Variants in OR4N2 observed in about 807,000 individuals in gnomAD.
The protein encoded by OR4N2 is olfactory receptor family 4 subfamily N member 2.
For synonymous variants in OR4N2, 141 were observed against 140.4 expected (o/e 1.00, Z -0.03); for missense variants, 307 against 377.6 (o/e 0.81, Z 1.55).
rs957322022 is a variant in OR4N2, at chr14:19,828,140, A to C, written c.692A>C (p.Glu231Ala). The change falls in exon 2 of 2, where the codon GAG becomes GCG. Residue 231 changes from glutamate to alanine, a missense_variant. Transcript: ENST00000557677. ...TGTCGCATACGAGGGTCTTCTTCTG[A>C]GGCAAAAAACAAGGCCATGTCCACG... ...ILCRIRGSSS[E>A]AKNKAMSTCI... The C allele has an allele frequency of 6.2e-7, 1 of 1,614,096 alleles. No individual in the cohort carries two copies. Among genetic ancestry groups the C allele is most frequent in the Non-Finnish European group, 8.5e-7 (1 of 1,180,048 alleles).
At chr14:19,815,204 G>A (rs1321706417) in intron 1 of OR4N2, among the ~76,000 whole-genome samples, 1 of 152,218 alleles carries the variant, frequency 6.6e-6, no homozygotes, top group African/African-American at 2.4e-5. Flanking sequence ...GGATTGCTGG[G>A]TCAAATGGTA....
intron 1 of OR4N2, among the ~76,000 whole-genome samples, chr14:19,820,735 G>A (rs1274898632): frequency 6.6e-6 from 1 of 152,258 alleles, no homozygotes; most frequent in Non-Finnish European, 1.5e-5. Flanking sequence ...ACTGTGAAGG[G>A]AAAAGTGCCT....
At chr14:19,824,479 C>T (rs1879642866) in intron 1 of OR4N2, among the ~76,000 whole-genome samples, 1 of 152,224 alleles carries the variant, frequency 6.6e-6, no homozygotes, top group African/African-American at 2.4e-5. Context: ...TTGTTAAATG[C>T]TAACACATCA....
At chr14:19,806,174 A>G (rs1384048014) in intron 1 of OR4N2, among the ~76,000 whole-genome samples, 2 of 152,100 alleles carry the variant, frequency 1.3e-5, no homozygotes, top group South Asian at 2.1e-4. Flanking sequence ...AGTCAAGTCT[A>G]TAAAATATCC....
intron 1 of OR4N2, among the ~76,000 whole-genome samples, chr14:19,807,302 T>A (rs947627840): frequency 6.6e-6 from 1 of 151,870 alleles, no homozygotes; most frequent in African/African-American, 2.4e-5. Flanking sequence ...AATTGGTCCT[T>A]CAAAATAAAA....
intron 1 of OR4N2, among the ~76,000 whole-genome samples, chr14:19,826,961 G>A (rs546162875): frequency 6.6e-6 from 1 of 152,382 alleles, no homozygotes; most frequent in African/African-American, 2.4e-5. Context: ...TAGGAACTGG[G>A]AATTACACAG....
intron 1 of OR4N2, among the ~76,000 whole-genome samples, chr14:19,819,943 C>G (rs1780872): frequency 0.56 from 83,538 of 150,208 alleles, 18,242 homozygotes; most frequent in East Asian, 0.66. Context: ...AGTCAGGCCC[C>G]TCTGCTGCAG....
chr14:19,808,741 A>G (rs1317600468), intron 1 of OR4N2, among the ~76,000 whole-genome samples: 1 of 152,098 alleles, frequency 6.6e-6, no homozygotes, highest in East Asian at 1.9e-4. Flanking sequence ...ATACAGAGCC[A>G]AAAAAGCCTG....
intron 1 of OR4N2, among the ~76,000 whole-genome samples, chr14:19,809,618 T>TA (rs1879248366): frequency 6.6e-6 from 1 of 152,214 alleles, no homozygotes. Flanking sequence ...AAGGCTACAG[T>TA]AACCAAAACA....
chr14:19,813,240 G>T (rs1383609423), intron 1 of OR4N2, among the ~76,000 whole-genome samples: 1 of 152,246 alleles, frequency 6.6e-6, no homozygotes, highest in African/African-American at 2.4e-5. Flanking sequence ...CATGTATTTT[G>T]CTTCCTTTCT....
At chr14:19,812,430 C>T (rs1169312638) in intron 1 of OR4N2, among the ~76,000 whole-genome samples, 1 of 150,872 alleles carries the variant, frequency 6.6e-6, no homozygotes, top group Non-Finnish European at 1.5e-5. Flanking sequence ...CCCGAGTTCA[C>T]GCCATTCTCC....
intron 1 of OR4N2, among the ~76,000 whole-genome samples, chr14:19,811,671 T>A (rs1879300596): frequency 1.3e-5 from 2 of 152,280 alleles, no homozygotes; most frequent in Admixed American, 1.3e-4. Context: ...TCAAGTTAAT[T>A]GCTATATTCA....
At chr14:19,813,234 T>C (rs1165410084) in intron 1 of OR4N2, among the ~76,000 whole-genome samples, 2 of 152,272 alleles carry the variant, frequency 1.3e-5, no homozygotes, top group Non-Finnish European at 2.9e-5. Flanking sequence ...TAACCTCATG[T>C]ATTTTGCTTC....
intron 1 of OR4N2, among the ~76,000 whole-genome samples, chr14:19,808,535 C>A (rs1879220901): frequency 6.6e-6 from 1 of 152,010 alleles, no homozygotes; most frequent in Non-Finnish European, 1.5e-5. Context: ...GAAAACTCTA[C>A]AAAATTAATG....
At chr14:19,824,239 A>C (rs2138480008) in intron 1 of OR4N2, among the ~76,000 whole-genome samples, 1 of 152,352 alleles carries the variant, frequency 6.6e-6, no homozygotes, top group Admixed American at 6.5e-5. Context: ...AGGAATGCTC[A>C]TCTGATTAGA....
intron 1 of OR4N2, among the ~76,000 whole-genome samples, chr14:19,824,267 C>T (rs1348927060): frequency 6.6e-6 from 1 of 152,138 alleles, no homozygotes; most frequent in Admixed American, 6.5e-5. Context: ...TCTATTCCAA[C>T]CACCATTTAG....
chr14:19,812,329 C>CTTTTTTTTTTTTTTTTTTTTT (rs3078143), intron 1 of OR4N2, among the ~76,000 whole-genome samples: 11 of 117,428 alleles, frequency 9.4e-5, no homozygotes, highest in Admixed American at 1.9e-4. Context: ...CTTTTCTTTT[C>CTTTTTTTTTTTTTTTTTTTTT]TTTTTTTTTT....
At chr14:19,804,407 G>C (rs1879113850) in intron 1 of OR4N2, among the ~76,000 whole-genome samples, 1 of 151,994 alleles carries the variant, frequency 6.6e-6, no homozygotes, top group Admixed American at 6.6e-5. Context: ...TAGTATGTTT[G>C]TTCTCATTAG....
chr14:19,822,137 A>C (rs527855625), intron 1 of OR4N2: 2 of 152,426 alleles, frequency 1.3e-5, no homozygotes, highest in East Asian at 3.9e-4. Context: ...GCTAAGGTCT[A>C]AATTCAGCAG....
Sources: gnomAD v4.1 joint callset for allele counts (sites outside exome capture counted in the v4.1 genomes callset) on GRCh38, gnomAD v4.1.1 for gene constraint, MANE v1.5 for transcripts, NCBI Gene and HGNC (gene_info 2026-07-23, HGNC 2026-07-21) for gene names.